The following GPR137C variants were observed in gnomAD, a reference collection of about 807,000 sequenced individuals.
GPR137C encodes the protein G protein-coupled receptor 137C.
Under a neutral mutation model 43.4 loss-of-function variants are expected in GPR137C, and 27 were observed. The ratio of observed to expected loss-of-function variants is 0.62; its 90% CI spans 0.46 to 0.86. The LOEUF is 0.86. Among genes scored for constraint, GPR137C ranks in the 40% least tolerant of loss-of-function variants. The probability of loss-of-function intolerance (pLI) is 0.00; values close to 1 mark genes in which losing one functional copy is unlikely to be tolerated. For missense variants in GPR137C, 522 were observed against 534.6 expected (o/e 0.98, Z 0.23); for synonymous variants, 285 against 226.9 (o/e 1.26, Z -2.30).
intron 1 of GPR137C, among the ~76,000 whole-genome samples, chr14:52,578,711 G>T (rs1346515485): frequency 6.6e-6 from 1 of 152,206 alleles, no homozygotes; most frequent in Non-Finnish European, 1.5e-5. Flanking sequence ...TGAGGTGGGC[G>T]GATCACCTGA....
chr14:52,562,972 T>C (rs964865850), intron 1 of GPR137C, among the ~76,000 whole-genome samples: 5 of 152,154 alleles, frequency 3.3e-5, no homozygotes, highest in Admixed American at 6.5e-5. Flanking sequence ...ACCATGAATA[T>C]ATCAACATTT....
chr14:52,591,918 G>A (rs190223889), intron 1 of GPR137C, among the ~76,000 whole-genome samples: 10 of 152,220 alleles, frequency 6.6e-5, no homozygotes, highest in Non-Finnish European at 1.0e-4. Flanking sequence ...GTCCTGAATG[G>A]TATTGCCTAG....
rs547784352 is a variant in GPR137C, at chr14:52,602,901, TAATC to T, written c.717+2563_717+2566del. Among the ~76,000 whole-genome samples the T allele has an allele frequency of 1.2e-3, 188 of 152,338 alleles. 1 individual carries two copies. Among genetic ancestry groups the T allele is most frequent in the African/African-American group, 4.4e-3 (185 of 41,586 alleles). ...TTTGCTACATGTATACAATATGTAA[TAATC>T]AAATCAGGGTAATTGGGATATCATC... On this transcript the variant is annotated intron_variant, in intron 3 of 6. Transcript: ENST00000321662.
At chr14:52,553,819 AGT>A (rs752589914) in intron 1 of GPR137C, among the ~76,000 whole-genome samples, 29 of 152,154 alleles carry the variant, frequency 1.9e-4, no homozygotes, top group Non-Finnish European at 3.7e-4. Context: ...TGAGTGAGTG[AGT>A]GTGTGTGTCT....
chr14:52,578,343 T>A (rs2038594620), intron 1 of GPR137C, among the ~76,000 whole-genome samples: 1 of 152,180 alleles, frequency 6.6e-6, no homozygotes, highest in Non-Finnish European at 1.5e-5. Context: ...TTTTCTTTTC[T>A]TTCCTATTTT....
intron 1 of GPR137C, among the ~76,000 whole-genome samples, chr14:52,561,769 G>A (rs563981629): frequency 1.3e-5 from 2 of 152,268 alleles, no homozygotes; most frequent in South Asian, 4.1e-4. Context: ...ATTTTAGAAA[G>A]TGCAAACCTA....
At chr14:52,576,205 T>C (rs531577039) in intron 1 of GPR137C, among the ~76,000 whole-genome samples, 5 of 152,366 alleles carry the variant, frequency 3.3e-5, no homozygotes, top group South Asian at 2.1e-4. Context: ...CTCCCACTTA[T>C]AAGTGAGAAC....
chr14:52,629,728 G>A lies in GPR137C; in HGVS notation c.718-2432G>A, dbSNP rs529711673. Among the ~76,000 whole-genome samples the A allele has an allele frequency of 4.6e-5, 7 of 152,272 alleles. No homozygotes were observed. The East Asian group carries it at 1.4e-3, about 29-fold the overall frequency. On this transcript the variant is annotated intron_variant, in intron 3 of 6. Coordinates refer to ENST00000321662, the MANE Select transcript of GPR137C (RefSeq NM_001099652.2). ...TGAGGGAACTTTCTGGAATGATGAT[G>A]TTCTGTATTTTGGTGGAGATTTGGG... is the stretch of plus-strand genomic sequence containing the variant.
At chr14:52,559,705 C>T (rs938992667) in intron 1 of GPR137C, among the ~76,000 whole-genome samples, 5 of 151,960 alleles carry the variant, frequency 3.3e-5, no homozygotes, top group East Asian at 1.9e-4. Context: ...GAAAAAGGTT[C>T]GAAAATTAGA....
intron 1 of GPR137C, among the ~76,000 whole-genome samples, chr14:52,557,210 A>T (rs1236579391): frequency 6.6e-6 from 1 of 152,162 alleles, no homozygotes; most frequent in African/African-American, 2.4e-5. Flanking sequence ...TAGAACAATG[A>T]TGATTATATT....
Position 52,595,610 on chromosome 14 carries a change from G to A in GPR137C, c.445-2662G>A, listed in dbSNP as rs370713476. The stretch of plus-strand genomic sequence containing the variant: ...ATCCTTTCTTCCACTTGATTGAATC[G>A]GCTATTGAAGCTTGTGCATGCATCA... On this transcript the variant is annotated intron_variant, in intron 1 of 6. Transcript: ENST00000321662. 2.1e-4 allele frequency among the ~76,000 whole-genome samples: 32 copies of A among 151,620 alleles called. 2 individuals carry two copies. Among genetic ancestry groups the A allele is most frequent in the East Asian group, 1.7e-3 (9 of 5,172 alleles).
chr14:52,565,987 T>C (rs2038363923), intron 1 of GPR137C, among the ~76,000 whole-genome samples: 1 of 152,210 alleles, frequency 6.6e-6, no homozygotes, highest in Non-Finnish European at 1.5e-5. Context: ...AGTATGCTGA[T>C]ACTAATAAAG....
At chr14:52,553,617 G>A (rs1326852536) in intron 1 of GPR137C, 26 bp downstream of exon 1, 1 of 1,525,970 alleles carries the variant, frequency 6.6e-7, no homozygotes. Flanking sequence ...CGGCATGCGG[G>A]GCCCGGGCGG....
At chr14:52,575,636 A>G (rs2139469916) in intron 1 of GPR137C, among the ~76,000 whole-genome samples, 1 of 152,266 alleles carries the variant, frequency 6.6e-6, no homozygotes, top group South Asian at 2.1e-4. Flanking sequence ...AGTATTTGTC[A>G]CCTTAGAAGA....
intron 3 of GPR137C, among the ~76,000 whole-genome samples, chr14:52,609,282 A>G (rs1044356031): frequency 3.8e-4 from 58 of 152,090 alleles, no homozygotes; most frequent in African/African-American, 1.4e-3. Context: ...CAATCTCTAT[A>G]TTAAATTTCT....
chr14:52,554,227 C>T (rs2038154750), intron 1 of GPR137C, among the ~76,000 whole-genome samples: 1 of 152,172 alleles, frequency 6.6e-6, no homozygotes. Flanking sequence ...TTAATGTTTG[C>T]CCCAGTTGCT....
chr14:52,558,279 A>ATT (rs2038225967), intron 1 of GPR137C, among the ~76,000 whole-genome samples: 1 of 152,140 alleles, frequency 6.6e-6, no homozygotes, highest in Admixed American at 6.5e-5. Context: ...GTCTTATAAA[A>ATT]GACTTCATCC....
At chr14:52,579,050 G>A (rs748635682) in intron 1 of GPR137C, among the ~76,000 whole-genome samples, 2 of 152,022 alleles carry the variant, frequency 1.3e-5, no homozygotes, top group African/African-American at 2.4e-5. Flanking sequence ...CAGAACCCCC[G>A]TTGCTAGTAT....
intron 1 of GPR137C, 54 bp downstream of exon 1, chr14:52,553,645 G>A (rs2038136092): frequency 8.8e-6 from 10 of 1,137,928 alleles, no homozygotes; most frequent in African/African-American, 1.6e-5. Flanking sequence ...GGGCCGCCGG[G>A]ATCAACTCCC....
Sources: allele counts gnomAD v4.1 joint callset (sites outside exome capture counted in the v4.1 genomes callset), GRCh38; gene constraint gnomAD v4.1.1; transcripts MANE v1.5; gene names NCBI Gene and HGNC (gene_info 2026-07-23, HGNC 2026-07-21).